The following IQCH variants were observed in gnomAD, a reference collection of about 807,000 sequenced individuals.
IQCH encodes the protein IQ motif containing H.
Under a neutral mutation model 117.0 loss-of-function variants are expected in IQCH, and 98 were observed. The ratio of observed to expected loss-of-function variants is 0.84; its 90% CI spans 0.71 to 0.99. The LOEUF is 0.99. IQCH is among the 50% of genes least tolerant of loss of function. IQCH has a pLI of 0.00. For missense variants in IQCH, 1,102 were observed against 1,243.8 expected (o/e 0.89, Z 1.72); for synonymous variants, 412 against 448.2 (o/e 0.92, Z 1.02).
Position 67,476,610 on chromosome 15 carries a change from G to C in IQCH, c.2799+792G>C, listed in dbSNP as rs1488030699. ...TGGTCTATTTCCAATGATACCGGGG[G>C]CCCCTGCATAGCTGCTTTATCCTGA... On this transcript the variant is annotated intron_variant, in intron 18 of 20. Transcript: ENST00000335894. The surrounding 1 kb of genome is among the most constrained non-coding windows in gnomAD (Gnocchi z 4.1). Among the ~76,000 whole-genome samples, 1 of 152,102 alleles carries C rather than the reference G, an allele frequency of 6.6e-6. No individual in the cohort carries two copies. Among genetic ancestry groups the C allele is most frequent in the Non-Finnish European group, 1.5e-5 (1 of 68,004 alleles).
At chr15:67,280,530 G>GAGAC (rs1260419407) in intron 4 of IQCH, among the ~76,000 whole-genome samples, 2 of 152,222 alleles carry the variant, frequency 1.3e-5, no homozygotes, top group Non-Finnish European at 2.9e-5. Flanking sequence ...ATGGCAGAGA[G>GAGAC]AGACAGAGAG....
At chr15:67,263,533 G>A (rs964966048) in intron 3 of IQCH, among the ~76,000 whole-genome samples, 1 of 152,148 alleles carries the variant, frequency 6.6e-6, no homozygotes, top group African/African-American at 2.4e-5. Flanking sequence ...CTTCAATGAA[G>A]TGATTATAGA....
chr15:67,469,394 G>A (rs141622713), intron 17 of IQCH, among the ~76,000 whole-genome samples: 38 of 152,298 alleles, frequency 2.5e-4, no homozygotes, highest in Admixed American at 9.8e-4. Context: ...CATGTGTTGC[G>A]GATGGCTGAA....
At position 67,481,168 on chromosome 15, in the gene IQCH, A is replaced by C. The variant is rs1184925179; in HGVS notation, c.2799+5350A>C. On this transcript the variant is annotated intron_variant, in intron 18 of 20. Transcript: ENST00000335894. The surrounding 1 kb of genome is among the most constrained non-coding windows in gnomAD (Gnocchi z 4.1). ...AAGTATCTCAGAGTATGAATCCAAC[A>C]AAGATTATGGCATCCAGTACTGTAT... Among the ~76,000 whole-genome samples, 3 of 152,204 alleles carry C rather than the reference A, an allele frequency of 2.0e-5. No individual in the cohort carries two copies. Among genetic ancestry groups the C allele is most frequent in the Non-Finnish European group, 4.4e-5 (3 of 68,030 alleles).
At chr15:67,420,031 T>C (rs942673971) in intron 15 of IQCH, among the ~76,000 whole-genome samples, 9 of 151,618 alleles carry the variant, frequency 5.9e-5, no homozygotes, top group African/African-American at 2.2e-4. Context: ...ATTTTTGTCA[T>C]TGTTGTTTTG....
At chr15:67,437,989 G>T (rs1389731164) in intron 16 of IQCH, among the ~76,000 whole-genome samples, 5 of 152,100 alleles carry the variant, frequency 3.3e-5, no homozygotes, top group Non-Finnish European at 1.5e-5. Context: ...GAATAATCGA[G>T]GAAAACTTCC....
chr15:67,488,211 A>G (rs765686993), intron 18 of IQCH, among the ~76,000 whole-genome samples: 1 of 152,138 alleles, frequency 6.6e-6, no homozygotes, highest in Admixed American at 6.5e-5. Context: ...CCAACTACTC[A>G]GGAAGCTGAG....
chr15:67,287,886 A>G (rs1382464955), intron 4 of IQCH, among the ~76,000 whole-genome samples: 1 of 151,960 alleles, frequency 6.6e-6, no homozygotes, highest in Non-Finnish European at 1.5e-5. Flanking sequence ...GCTAGCTATA[A>G]ACTTCCCTCT....
intron 3 of IQCH, among the ~76,000 whole-genome samples, chr15:67,266,540 CCAGCTACTCAGGAGGCTGA>C (rs1965680522): frequency 6.6e-6 from 1 of 152,064 alleles, no homozygotes; most frequent in Non-Finnish European, 1.5e-5. Flanking sequence ...GCCTGTAGTC[CCAGCTACTCAGGAGGCTGA>C]GGCAGGAGAA....
intron 3 of IQCH, among the ~76,000 whole-genome samples, chr15:67,267,764 T>C (rs1965735592): frequency 6.6e-6 from 1 of 152,196 alleles, no homozygotes; most frequent in African/African-American, 2.4e-5. Context: ...CAACATTGTT[T>C]AGATATGGGG....
intron 6 of IQCH, among the ~76,000 whole-genome samples, chr15:67,352,228 A>G (rs1306340221): frequency 1.3e-5 from 2 of 152,168 alleles, no homozygotes; most frequent in Non-Finnish European, 2.9e-5. Context: ...TCCCTTTAAC[A>G]GTATAAAAAC....
rs1596296854 is a variant in IQCH at position 67,386,452 on chromosome 15, A to G, written c.1456+1433A>G. Among the ~76,000 whole-genome samples the G allele has an allele frequency of 1.3e-5, 2 of 152,230 alleles. No homozygotes were observed. The highest frequency in any genetic ancestry group is 3.8e-4 in the East Asian group (2 of 5,206). ...ATAGTCTTCATGATATAGCAAGGCA[A>G]TCATAAAAAGTCTTCAAGAGGAGTA... On this transcript the variant is annotated intron_variant, in intron 11 of 20. Transcript: ENST00000335894. The surrounding 1 kb of genome is among the most constrained non-coding windows in gnomAD (Gnocchi z 5.0).
Position 67,359,763 on chromosome 15 carries a change from T to C in IQCH, c.715-84T>C. On this transcript the variant is annotated intron_variant, in intron 7 of 20. Coordinates refer to ENST00000335894, the MANE Select transcript of IQCH (RefSeq NM_001031715.3). This position sits in a 1 kb window ranked among gnomAD's most constrained non-coding sequence, Gnocchi z 4.5. Reference sequence around the variant, plus strand: ...CCAGCGGGTAAAATGGGGAAGGGGGTGAGGCTCTGAGCCTTCTATTTGTTT... The same window carrying C: ...CCAGCGGGTAAAATGGGGAAGGGGGCGAGGCTCTGAGCCTTCTATTTGTTT... The C allele has an allele frequency of 8.5e-7, 1 of 1,182,640 alleles. No homozygotes were observed. The highest frequency in any genetic ancestry group is 1.3e-6 in the Non-Finnish European group (1 of 787,720). The allele number at this position is 1,182,640 out of a possible 1,614,324, so 73.3% of individuals were successfully genotyped here.
intron 4 of IQCH, among the ~76,000 whole-genome samples, chr15:67,336,143 T>C (rs1410411258): frequency 6.6e-6 from 1 of 152,146 alleles, no homozygotes; most frequent in Non-Finnish European, 1.5e-5. Context: ...CTTGAGTTCT[T>C]TATTAGTTAA....
At chr15:67,372,787 C>T in intron 9 of IQCH, 125 bp downstream of exon 9, 2 of 720,152 alleles carry the variant, frequency 2.8e-6, no homozygotes, top group Non-Finnish European at 4.6e-6. Context: ...CTCAGACTCC[C>T]ACGCCTTTCA....
chr15:67,257,704 A>G (rs1965280606), intron 1 of IQCH, among the ~76,000 whole-genome samples: 1 of 152,264 alleles, frequency 6.6e-6, no homozygotes, highest in Non-Finnish European at 1.5e-5. Flanking sequence ...TTCTTAATAT[A>G]TCTTTATAAA....
Position 67,392,582 on chromosome 15 carries a change from G to C in IQCH, c.1633-2709G>C, listed in dbSNP as rs113072672. Among the ~76,000 whole-genome samples, 820 of 152,096 alleles carry C rather than the reference G, an allele frequency of 5.4e-3. 6 individuals carry two copies. Among genetic ancestry groups the C allele is most frequent in the African/African-American group, 0.017 (703 of 41,462 alleles). ...GCTTGAGCTCAGGAGTTTGCGACCAGCCTGGGCAACATGACAGAACTCGGT... is the reference window on the plus strand; with the variant it reads ...GCTTGAGCTCAGGAGTTTGCGACCACCCTGGGCAACATGACAGAACTCGGT... On this transcript the variant is annotated intron_variant, in intron 12 of 20. Coordinates refer to ENST00000335894, the MANE Select transcript of IQCH (RefSeq NM_001031715.3).
chr15:67,315,974 C>T (rs1424042486), intron 4 of IQCH, among the ~76,000 whole-genome samples: 1 of 152,132 alleles, frequency 6.6e-6, no homozygotes, highest in Non-Finnish European at 1.5e-5. Flanking sequence ...AAGGAGATTC[C>T]TTATCTCCTC....
At chr15:67,303,087 T>A (rs574669770) in intron 4 of IQCH, among the ~76,000 whole-genome samples, 2 of 152,314 alleles carry the variant, frequency 1.3e-5, no homozygotes, top group African/African-American at 4.8e-5. Flanking sequence ...TACAACATTT[T>A]AACAACTGCA....
Sources: allele counts gnomAD v4.1 joint callset (sites outside exome capture counted in the v4.1 genomes callset), GRCh38; gene constraint gnomAD v4.1.1; non-coding constraint Gnocchi (gnomAD v3.1); transcripts MANE v1.5; gene names NCBI Gene and HGNC (gene_info 2026-07-23, HGNC 2026-07-21).